Variants in TRAPPC12 observed in about 807,000 individuals in gnomAD.
TRAPPC12 encodes the protein trafficking protein particle complex subunit 12.
In TRAPPC12, 61 loss-of-function variants were observed where a neutral mutation model predicts 69.2. The observed-to-expected ratio is 0.88, with a 90% confidence interval of 0.72 to 1.09. TRAPPC12 has a LOEUF of 1.09. TRAPPC12 is among the 50% of genes least tolerant of loss of function. The pLI is 0.00. For synonymous variants in TRAPPC12, 469 were observed against 438.9 expected, an observed-to-expected ratio of 1.07 and a Z score of -0.86; for missense variants, 1,101 against 1,016.4, an observed-to-expected ratio of 1.08 and a Z score of -1.13.
At chr2:3,460,389 T>TGGGAGCCGCGA (rs940595005) in intron 8 of TRAPPC12, 53 bp downstream of exon 8, 16 of 839,286 alleles carry the variant, frequency 1.9e-5, no homozygotes, top group Admixed American at 7.2e-5. Context: ...GCGGGGTCAG[T>TGGGAGCCGCGA]GGGAGCCGCG....
chr2:3,410,083 G>T (rs1661975157), intron 3 of TRAPPC12, among the ~76,000 whole-genome samples: 1 of 152,222 alleles, frequency 6.6e-6, no homozygotes, highest in South Asian at 2.1e-4. Context: ...AGGGAATTGG[G>T]TTGTTCTGAC....
At chr2:3,454,063 T>C (rs1244415434) in intron 6 of TRAPPC12, among the ~76,000 whole-genome samples, 1 of 152,238 alleles carries the variant, frequency 6.6e-6, no homozygotes, top group Admixed American at 6.5e-5. Flanking sequence ...GTGTCTGATA[T>C]GCCTATGTTC....
intron 1 of TRAPPC12, among the ~76,000 whole-genome samples, chr2:3,381,508 A>T (rs974352771): frequency 5.9e-5 from 9 of 152,248 alleles, no homozygotes; most frequent in Admixed American, 3.3e-4. Flanking sequence ...TCTTTGCTGC[A>T]CTGTGATGTA....
intron 4 of TRAPPC12, among the ~76,000 whole-genome samples, chr2:3,422,861 A>C (rs1013844453): frequency 2.0e-5 from 3 of 152,206 alleles, no homozygotes; most frequent in Non-Finnish European, 4.4e-5. Context: ...GGCCTCTTTT[A>C]TGAACTTAGT....
At position 3,478,876 on chromosome 2, in the gene TRAPPC12, T is replaced by C. The variant is rs760706336; in HGVS notation, c.1908T>C (p.Phe636=). ...TCCTTCACCTCGGGCAGAATAACTT[T>C]GCAGAAGCCCACAGGTTCTTCACAG... ...SAFLHLGQNN[F]AEAHRFFTEI... Residue 636 remains phenylalanine (F), a synonymous_variant, in exon 11 of 12, where the codon TTT becomes TTC. Transcript: ENST00000324266. 1 of 1,614,176 alleles carries C rather than the reference T, an allele frequency of 6.2e-7. No individual in the cohort carries two copies.
chr2:3,470,251 T>G (rs529030453), intron 9 of TRAPPC12, among the ~76,000 whole-genome samples: 2 of 152,370 alleles, frequency 1.3e-5, no homozygotes, highest in East Asian at 3.9e-4. Flanking sequence ...AGAGCTTCTC[T>G]GCGGAGAAGG....
intron 6 of TRAPPC12, among the ~76,000 whole-genome samples, chr2:3,444,878 A>C (rs1364243793): frequency 2.6e-5 from 4 of 152,230 alleles, no homozygotes; most frequent in Non-Finnish European, 5.9e-5. Context: ...AAAAGATAAA[A>C]AGAAAAATTG....
chr2:3,448,331 A>G (rs1192212196), intron 6 of TRAPPC12, among the ~76,000 whole-genome samples: 5 of 152,104 alleles, frequency 3.3e-5, no homozygotes, highest in African/African-American at 1.2e-4. Flanking sequence ...TCCTCCAAAT[A>G]CAGACTTTTC....
chr2:3,430,324 C>T (rs546017029), intron 5 of TRAPPC12, among the ~76,000 whole-genome samples: 2 of 152,344 alleles, frequency 1.3e-5, no homozygotes, highest in East Asian at 3.9e-4. Context: ...TTTCCACTCC[C>T]AGCCACAGCC....
intron 5 of TRAPPC12, among the ~76,000 whole-genome samples, chr2:3,434,252 C>T (rs1281812664): frequency 6.6e-6 from 1 of 152,186 alleles, no homozygotes; most frequent in Non-Finnish European, 1.5e-5. Context: ...AATGTCAGCT[C>T]AGTGAAATTC....
intron 2 of TRAPPC12, among the ~76,000 whole-genome samples, chr2:3,400,118 G>A (rs898614981): frequency 6.6e-6 from 1 of 152,214 alleles, no homozygotes; most frequent in African/African-American, 2.4e-5. Context: ...CAGCTGCTGC[G>A]GGCCAGACGC....
chr2:3,423,895 C>A (rs1572138075), intron 4 of TRAPPC12, among the ~76,000 whole-genome samples: 1 of 152,308 alleles, frequency 6.6e-6, no homozygotes, highest in East Asian at 1.9e-4. Flanking sequence ...GCACACTGTG[C>A]TCTCTCGTAT....
intron 8 of TRAPPC12, 78 bp from the exon 9 acceptor site, chr2:3,465,519 C>T (rs1171551047): frequency 1.3e-5 from 13 of 1,001,054 alleles, no homozygotes; most frequent in Non-Finnish European, 1.9e-5. Flanking sequence ...CGTCTGTATA[C>T]ACTTGTGCTC....
chr2:3,464,216 CGCACAGCTAGACA>C (rs1665678778), intron 8 of TRAPPC12, among the ~76,000 whole-genome samples: 1 of 152,192 alleles, frequency 6.6e-6, no homozygotes, highest in Non-Finnish European at 1.5e-5. Flanking sequence ...TGCTCGCACT[CGCACAGCTAGACA>C]GCAGAGACAG....
rs568229300 is a variant in TRAPPC12, at chr2:3,412,666, C to T, written c.1165-9215C>T. On this transcript the variant is annotated intron_variant, in intron 3 of 11. Transcript: ENST00000324266. ...ACTGGAGCAGGGGCGTGTGAGGGCT[C>T]GGCGACACAGAGCGGCCAGCTACAC... is the stretch of plus-strand genomic sequence containing the variant. Among the ~76,000 whole-genome samples, 14 of 152,254 alleles carry T rather than the reference C, an allele frequency of 9.2e-5. No homozygotes were observed. In the East Asian group the frequency reaches 2.5e-3, roughly 27 times the overall value.
intron 6 of TRAPPC12, chr2:3,457,110 A>ACG (rs1348490721): frequency 6.5e-6 from 3 of 464,626 alleles, no homozygotes; most frequent in Non-Finnish European, 1.3e-5. Context: ...GTGGAATACT[A>ACG]CGCAGCCGTA....
intron 5 of TRAPPC12, among the ~76,000 whole-genome samples, chr2:3,443,331 C>T (rs1428377268): frequency 6.6e-6 from 1 of 152,256 alleles, no homozygotes; most frequent in African/African-American, 2.4e-5. Context: ...GGAGCACTTC[C>T]GGAACCACTG....
chr2:3,471,387 A>G (rs560159590), intron 9 of TRAPPC12, among the ~76,000 whole-genome samples: 17 of 152,300 alleles, frequency 1.1e-4, no homozygotes, highest in African/African-American at 4.1e-4. Context: ...AGGCAGAACT[A>G]TCATAGCCAC....
rs771947585 is a variant in TRAPPC12 at position 3,443,805 on chromosome 2, A to G, written c.1444A>G (p.Ile482Val). 9.9e-6 allele frequency: 16 copies of G among 1,614,006 alleles called. No homozygotes were observed. Among genetic ancestry groups the G allele is most frequent in the Admixed American group, 1.7e-5 (1 of 60,002 alleles). The change falls in exon 6 of 12, where the codon ATC becomes GTC. Residue 482 changes from isoleucine to valine, a missense_variant. Transcript: ENST00000324266. ...RGSMVPFSMR[I>V]LHAELQQYLG... Reference sequence around the variant, plus strand: ...CTCCATGGTCCCCTTCTCGATGCGCATCTTGCACGCGGAGCTTCAGCAGTA... The same window carrying G: ...CTCCATGGTCCCCTTCTCGATGCGCGTCTTGCACGCGGAGCTTCAGCAGTA...
Sources: gnomAD v4.1 joint callset for allele counts (sites outside exome capture counted in the v4.1 genomes callset) on GRCh38, gnomAD v4.1.1 for gene constraint, MANE v1.5 for transcripts, NCBI Gene and HGNC (gene_info 2026-07-23, HGNC 2026-07-21) for gene names.